The following SLC4A10 variants were observed in gnomAD, a reference collection of about 807,000 sequenced individuals.
The protein encoded by SLC4A10 is sodium-driven chloride bicarbonate exchanger.
In SLC4A10, 42 loss-of-function variants were observed where a neutral mutation model predicts 137.7. The observed-to-expected ratio is 0.30, with a 90% CI of 0.24 to 0.39. The LOEUF (loss-of-function observed/expected upper bound fraction) is 0.39, where lower values mean the gene tolerates loss of function less well. SLC4A10 is among the 10% of genes least tolerant of loss of function. The pLI is 1.00. For missense variants in SLC4A10, 925 were observed against 1,355.0 expected, an observed-to-expected ratio of 0.68 and a Z score of 4.98; for synonymous variants, 474 against 464.1, an observed-to-expected ratio of 1.02 and a Z score of -0.27.
intron 1 of SLC4A10, among the ~76,000 whole-genome samples, chr2:161,723,966 A>G (rs932097808): frequency 3.9e-5 from 6 of 152,214 alleles, no homozygotes; most frequent in South Asian, 4.1e-4. Context: ...CTTGATATGT[A>G]TCAAACTAAA....
chr2:161,663,022 T>G (rs1326222774), intron 1 of SLC4A10, among the ~76,000 whole-genome samples: 1 of 152,154 alleles, frequency 6.6e-6, no homozygotes, highest in Non-Finnish European at 1.5e-5. Flanking sequence ...CAACTTAACT[T>G]TGTGTCCTTA....
intron 1 of SLC4A10, among the ~76,000 whole-genome samples, chr2:161,632,731 T>C (rs533286351): frequency 1.3e-5 from 2 of 151,520 alleles, no homozygotes; most frequent in Non-Finnish European, 3.0e-5. Flanking sequence ...TCTGAGAATA[T>C]TAAAGGGTAG....
intron 19 of SLC4A10, among the ~76,000 whole-genome samples, chr2:161,951,884 G>T (rs142055891): frequency 2.0e-5 from 3 of 152,092 alleles, no homozygotes; most frequent in Non-Finnish European, 1.5e-5. Context: ...GGAATTTTGA[G>T]TATATGGTGG....
At chr2:161,887,120 C>T (rs899843335) in intron 10 of SLC4A10, among the ~76,000 whole-genome samples, 7 of 152,096 alleles carry the variant, frequency 4.6e-5, no homozygotes, top group Non-Finnish European at 7.3e-5. Flanking sequence ...AGGACATGAA[C>T]GTGTCCTCTT....
At chr2:161,869,885 T>G (rs2125916991) in intron 6 of SLC4A10, among the ~76,000 whole-genome samples, 1 of 151,550 alleles carries the variant, frequency 6.6e-6, no homozygotes, top group South Asian at 2.1e-4. Context: ...AGGCTAGTAG[T>G]TTTTATGGCT....
intron 16 of SLC4A10, among the ~76,000 whole-genome samples, chr2:161,944,904 TG>T (rs1200771419): frequency 1.3e-5 from 2 of 151,442 alleles, no homozygotes; most frequent in Non-Finnish European, 3.0e-5. Context: ...CAACTAATTT[TG>T]TTAAAATAGT....
intron 1 of SLC4A10, among the ~76,000 whole-genome samples, chr2:161,665,477 A>G (rs2038934302): frequency 6.6e-6 from 1 of 151,666 alleles, no homozygotes; most frequent in Non-Finnish European, 1.5e-5. Flanking sequence ...ATTTTTGCAA[A>G]GAAGAAGAGG....
chr2:161,716,698 G>A (rs1360280732), intron 1 of SLC4A10, among the ~76,000 whole-genome samples: 6 of 152,098 alleles, frequency 3.9e-5, no homozygotes, highest in African/African-American at 1.4e-4. Flanking sequence ...ATGCTGCTTT[G>A]GTTACTGTAG....
At chr2:161,782,677 A>G (rs2053173982) in intron 2 of SLC4A10, among the ~76,000 whole-genome samples, 2 of 149,992 alleles carry the variant, frequency 1.3e-5, no homozygotes, top group Admixed American at 6.7e-5. Context: ...GGAATCATGA[A>G]GTTGAAGAAT....
chr2:161,636,708 G>C (rs1327747100), intron 1 of SLC4A10, among the ~76,000 whole-genome samples: 1 of 151,226 alleles, frequency 6.6e-6, no homozygotes, highest in East Asian at 2.0e-4. Flanking sequence ...ATTTTTTTAA[G>C]AGACAAGGTC....
rs2124952865 is a variant in SLC4A10 at position 161,695,152 on chromosome 2, A to G, written c.48+70586A>G. 1.3e-5 allele frequency among the ~76,000 whole-genome samples: 2 copies of G among 152,210 alleles called. 1 individual carries two copies. The highest frequency in any genetic ancestry group is 4.1e-4 in the South Asian group (2 of 4,830). On this transcript the variant is annotated intron_variant, in intron 1 of 26. Transcript: ENST00000446997. ...AACTTTACAATACAGAGAAATTAAG[A>G]ATCTCTAGAGCCAATTGAGTAAAGG...
rs1684220845 is a variant in SLC4A10, at chr2:161,905,833, G to T, written c.1943G>T (p.Ser648Ile). The T allele has an allele frequency of 1.9e-6, 3 of 1,613,964 alleles. No homozygotes were observed. Among genetic ancestry groups the T allele is most frequent in the Non-Finnish European group, 2.5e-6 (3 of 1,179,874 alleles). Reference protein sequence around the residue: ...YEALEKLFELSEAYPINMHND... With the variant: ...YEALEKLFELIEAYPINMHND... ...GCCCTGGAGAAGTTGTTTGAACTCAGTGAAGCATATCCAATCAACATGCAT... is the reference window on the plus strand; with the variant it reads ...GCCCTGGAGAAGTTGTTTGAACTCATTGAAGCATATCCAATCAACATGCAT... Residue 648 changes from serine to isoleucine, a missense_variant, in exon 15 of 27, where the codon AGT becomes ATT. Ser to Ile is a moderately radical substitution (Grantham distance 142, BLOSUM62 -2). Around this residue, in one of 11 missense-constraint regions of SLC4A10, gnomAD observed 91 missense variants for 95.6 expected, o/e 0.95. Transcript: ENST00000446997.
At chr2:161,661,831 CA>C (rs759153949) in intron 1 of SLC4A10, among the ~76,000 whole-genome samples, 29 of 151,452 alleles carry the variant, frequency 1.9e-4, no homozygotes, top group East Asian at 9.7e-4. Flanking sequence ...AAGATTTCAG[CA>C]AAAAAAATAT....
intron 1 of SLC4A10, among the ~76,000 whole-genome samples, chr2:161,673,651 A>G (rs1454333424): frequency 6.6e-6 from 1 of 152,198 alleles, no homozygotes; most frequent in Non-Finnish European, 1.5e-5. Context: ...TCTTGGGTAT[A>G]AAGTATTTAA....
intron 15 of SLC4A10, among the ~76,000 whole-genome samples, chr2:161,918,890 TGGTGG>T (rs1226799694): frequency 6.6e-5 from 10 of 152,176 alleles, no homozygotes. Context: ...CCTTCTGAGT[TGGTGG>T]GGTGGGAGCC....
intron 1 of SLC4A10, among the ~76,000 whole-genome samples, chr2:161,689,575 C>T (rs1394416539): frequency 5.9e-5 from 9 of 152,032 alleles, no homozygotes; most frequent in Admixed American, 2.6e-4. Flanking sequence ...TGCATCATGA[C>T]GAAATTGCCT....
Position 161,743,022 on chromosome 2 carries a change from TG to T in SLC4A10, c.49-27950del, listed in dbSNP as rs538674752. 2.6e-3 allele frequency among the ~76,000 whole-genome samples: 394 copies of T among 152,332 alleles called. 3 individuals are homozygous for T. The highest frequency in any genetic ancestry group is 0.019 in the South Asian group (90 of 4,830). On this transcript the variant is annotated intron_variant, in intron 1 of 26. Coordinates refer to ENST00000446997, the MANE Select transcript of SLC4A10 (RefSeq NM_001178015.2). ...TTATATATTATGGTTATTAATACTT[TG>T]TCAGGTGGATAGTTTGCAAATATTT... is the stretch of plus-strand genomic sequence containing the variant.
intron 15 of SLC4A10, among the ~76,000 whole-genome samples, chr2:161,909,795 T>A (rs1401954466): frequency 6.6e-6 from 1 of 152,248 alleles, no homozygotes; most frequent in Non-Finnish European, 1.5e-5. Context: ...ACTGCTATTT[T>A]AATGTATTTT....
intron 15 of SLC4A10, among the ~76,000 whole-genome samples, chr2:161,929,335 C>G (rs1267873832): frequency 6.6e-6 from 1 of 152,222 alleles, no homozygotes; most frequent in Non-Finnish European, 1.5e-5. Context: ...GGAACCGAGG[C>G]AGATCCACTA....
Sources: allele counts gnomAD v4.1 joint callset (sites outside exome capture counted in the v4.1 genomes callset), GRCh38; gene constraint gnomAD v4.1.1; regional missense constraint gnomAD v4.1.1; transcripts MANE v1.5; gene names NCBI Gene and HGNC (gene_info 2026-07-23, HGNC 2026-07-21).